The following ACYP2 variants were observed in gnomAD, a reference collection of about 807,000 sequenced individuals.
ACYP2 encodes the protein acylphosphatase 2.
Under a neutral mutation model 11.2 loss-of-function variants are expected in ACYP2, and 12 were observed. That is an observed-to-expected ratio of 1.08 (90% CI 0.69 to 1.74). The LOEUF is 1.74. Ranked by LOEUF, ACYP2 falls within the 40% of genes most tolerant of loss-of-function variation. The pLI is 0.00. For missense variants in ACYP2, 134 were observed against 101.9 expected, an observed-to-expected ratio of 1.31 and a Z score of -1.35; for synonymous variants, 43 against 32.2, an observed-to-expected ratio of 1.33 and a Z score of -1.13.
In ACYP2 at chr2:54,174,826, T is replaced by C. The variant is rs971577855; in HGVS notation, c.404+36078T>C. ...GGTTCTGTTTATGTGATGGATTACA[T>C]TTATTGATTTGTGTATGTTGAACCA... On this transcript the variant is annotated intron_variant, in intron 6 of 6. Transcript: ENST00000607452. Among the ~76,000 whole-genome samples the C allele has an allele frequency of 1.3e-4, 20 of 152,308 alleles. 1 individual carries two copies. In the East Asian group the frequency reaches 3.9e-3, roughly 29 times the overall value.
At position 54,279,222 on chromosome 2, in the gene ACYP2, T is replaced by G. The variant is rs185320695; in HGVS notation, c.405-25466T>G. Among the ~76,000 whole-genome samples the G allele has an allele frequency of 2.6e-5, 4 of 152,332 alleles. No homozygotes were observed. The East Asian group carries it at 7.7e-4, about 29-fold the overall frequency. ...CCAGGAGCTTGCAAACGATAGCCAG[T>G]GGGCCATATCCAGCCCACTGCTTGT... On this transcript the variant is annotated intron_variant, in intron 6 of 6. Coordinates refer to ENST00000607452, the MANE Select transcript of ACYP2 (RefSeq NM_001320586.2).
intron 4 of ACYP2, among the ~76,000 whole-genome samples, chr2:54,120,367 C>T (rs1680078907): frequency 6.6e-6 from 1 of 152,146 alleles, no homozygotes; most frequent in Non-Finnish European, 1.5e-5. Context: ...ATTATATTTA[C>T]ATCTAGAATA....
At chr2:54,197,359 A>T (rs1447191630) in intron 6 of ACYP2, among the ~76,000 whole-genome samples, 1 of 152,174 alleles carries the variant, frequency 6.6e-6, no homozygotes, top group Non-Finnish European at 1.5e-5. Flanking sequence ...AGGAAGCTGG[A>T]ACTTCTCCAC....
At chr2:54,152,916 G>C (rs1329885181) in intron 6 of ACYP2, among the ~76,000 whole-genome samples, 1 of 152,108 alleles carries the variant, frequency 6.6e-6, no homozygotes, top group African/African-American at 2.4e-5. Flanking sequence ...TCCCACCTCA[G>C]CCTTTCAAGT....
chr2:54,084,290 T>C (rs961192254), intron 4 of ACYP2, among the ~76,000 whole-genome samples: 17 of 152,238 alleles, frequency 1.1e-4, no homozygotes, highest in South Asian at 4.1e-4. Flanking sequence ...TTATTTCTTT[T>C]TTTCTTTCTT....
chr2:54,141,389 A>G (rs540187187), intron 6 of ACYP2, among the ~76,000 whole-genome samples: 58 of 152,178 alleles, frequency 3.8e-4, no homozygotes, highest in African/African-American at 1.4e-3. Context: ...TTGATGCTCT[A>G]TTTATTACAT....
intron 2 of ACYP2, among the ~76,000 whole-genome samples, chr2:54,020,329 G>A (rs1673936984): frequency 6.6e-6 from 1 of 152,184 alleles, no homozygotes; most frequent in African/African-American, 2.4e-5. Context: ...GGGAGAGGAA[G>A]TATCAGTACA....
intron 2 of ACYP2, among the ~76,000 whole-genome samples, chr2:54,049,773 C>T (rs1237837228): frequency 1.3e-5 from 2 of 152,154 alleles, no homozygotes; most frequent in African/African-American, 2.4e-5. Flanking sequence ...CAGCTTTGGC[C>T]ATTGGGAGCT....
intron 6 of ACYP2, among the ~76,000 whole-genome samples, chr2:54,141,406 A>G (rs1455484564): frequency 1.3e-5 from 2 of 152,148 alleles, no homozygotes; most frequent in African/African-American, 2.4e-5. Context: ...ACATTTAAGC[A>G]TTTACTCCAT....
chr2:54,047,282 T>G (rs1573602484), intron 2 of ACYP2, among the ~76,000 whole-genome samples: 1 of 152,324 alleles, frequency 6.6e-6, no homozygotes, highest in South Asian at 2.1e-4. Flanking sequence ...ATTTCAAATC[T>G]GTGAATCATC....
Position 54,074,396 on chromosome 2 carries a change from G to C in ACYP2, c.277+17036G>C, listed in dbSNP as rs189265787. On this transcript the variant is annotated intron_variant, in intron 4 of 6. Transcript: ENST00000607452. ...GAGGATCACATGAGTCCAGGAGTTC[G>C]AGACCAACCTGGACAATACAATGAG... Among the ~76,000 whole-genome samples, 11 of 152,132 alleles carry C rather than the reference G, an allele frequency of 7.2e-5. No individual in the cohort carries two copies. The South Asian group carries it at 8.3e-4, about 11-fold the overall frequency.
chr2:54,250,492 A>G (rs1175636803), intron 6 of ACYP2, among the ~76,000 whole-genome samples: 2 of 152,216 alleles, frequency 1.3e-5, no homozygotes, highest in East Asian at 3.9e-4. Context: ...GGGGCGTTGA[A>G]AGTATCTTCT....
chr2:54,242,813 C>T (rs1181936499), intron 6 of ACYP2, among the ~76,000 whole-genome samples: 1 of 152,202 alleles, frequency 6.6e-6, no homozygotes, highest in African/African-American at 2.4e-5. Flanking sequence ...GCTATACCAT[C>T]TAGATTCATG....
intron 2 of ACYP2, among the ~76,000 whole-genome samples, chr2:53,985,775 A>G (rs1269285866): frequency 3.9e-5 from 6 of 152,174 alleles, no homozygotes; most frequent in African/African-American, 1.2e-4. Context: ...TGATCTTCCC[A>G]TAATGATGAG....
chr2:54,289,181 A>T (rs1689201419), intron 6 of ACYP2, among the ~76,000 whole-genome samples: 1 of 151,960 alleles, frequency 6.6e-6, no homozygotes. Flanking sequence ...CTCTTCCATG[A>T]AATGTTTCTC....
intron 4 of ACYP2, among the ~76,000 whole-genome samples, chr2:54,108,319 T>C (rs1480462449): frequency 6.6e-6 from 1 of 152,170 alleles, no homozygotes; most frequent in East Asian, 1.9e-4. Context: ...TAGAAAGAGA[T>C]TGCAATGGAT....
chr2:54,285,639 T>C (rs1689048860), intron 6 of ACYP2, among the ~76,000 whole-genome samples: 1 of 152,228 alleles, frequency 6.6e-6, no homozygotes, highest in Non-Finnish European at 1.5e-5. Context: ...GTGTTTTTAC[T>C]GGGCACACAG....
intron 6 of ACYP2, among the ~76,000 whole-genome samples, chr2:54,157,194 T>C (rs980886839): frequency 1.3e-5 from 2 of 152,186 alleles, no homozygotes; most frequent in African/African-American, 4.8e-5. Flanking sequence ...CATTTTTTCC[T>C]ATGCATGTAA....
At position 54,304,731 on chromosome 2, in the gene ACYP2, G is replaced by C; in HGVS notation, c.448G>C (p.Asp150His). Reference sequence around the variant, plus strand: ...GGTTGGAAGCCCTAGTTCTCGCATTGACCGCACAAACTTTTCTAATGAAAA... The same window carrying C: ...GGTTGGAAGCCCTAGTTCTCGCATTCACCGCACAAACTTTTCTAATGAAAA... The change falls in exon 7 of 7, where the codon GAC (aspartate) becomes CAC (histidine). Residue 150 changes from aspartate (D) to histidine (H), a missense_variant. Asp to His is a moderately conservative substitution (Grantham distance 81). Coordinates refer to ENST00000607452, the MANE Select transcript of ACYP2 (RefSeq NM_001320586.2). 1 of 1,612,134 alleles carries C rather than the reference G, an allele frequency of 6.2e-7. No homozygotes were observed. Among genetic ancestry groups the C allele is most frequent in the Non-Finnish European group, 8.5e-7 (1 of 1,179,598 alleles).
Sources: gnomAD v4.1 joint callset for allele counts (sites outside exome capture counted in the v4.1 genomes callset) on GRCh38, gnomAD v4.1.1 for gene constraint, MANE v1.5 for transcripts, NCBI Gene and HGNC (gene_info 2026-07-23, HGNC 2026-07-21) for gene names.